USP54: variants seen among roughly 807,000 people sequenced by gnomAD.
USP54 encodes the protein ubiquitin carboxyl-terminal hydrolase 54.
Under a neutral mutation model 170.5 loss-of-function variants are expected in USP54, and 87 were observed. The ratio of observed to expected loss-of-function variants is 0.51; its 90% CI spans 0.43 to 0.61. USP54 has a LOEUF of 0.61. Among genes scored for constraint, USP54 ranks in the 20% least tolerant of loss-of-function variants. The pLI is 0.00. For synonymous variants in USP54, 655 were observed against 742.8 expected (o/e 0.88, Z 1.92); for missense variants, 1,786 against 2,047.8 (o/e 0.87, Z 2.47).
chr10:73,565,464 C>T (rs2133747571), intron 4 of USP54, among the ~76,000 whole-genome samples: 1 of 152,064 alleles, frequency 6.6e-6, no homozygotes, highest in Non-Finnish European at 1.5e-5. Context: ...TGCAGTGAAC[C>T]ATAATAGCCC....
chr10:73,541,389 G>A lies in USP54; in HGVS notation c.811C>T (p.Leu271Phe). ...CTAACACGCACATCACCCAGCTTAAGGCAGGTTCCCAGGCTGTGGATAACA... is the reference window on the plus strand; with the variant it reads ...CTAACACGCACATCACCCAGCTTAAAGCAGGTTCCCAGGCTGTGGATAACA... ...EDVIHSLGTCLKLGDLFFRVT... is the reference protein window; with the variant it reads ...EDVIHSLGTCFKLGDLFFRVT... The change falls in exon 9 of 24, where the codon CTT becomes TTT. Residue 271 changes from leucine (L) to phenylalanine (F), a missense_variant. Physicochemically the swap from Leu to Phe is conservative, Grantham distance 22 (BLOSUM62 0). This residue lies in a region of USP54 where 361 missense variants were observed against 455.0 expected (regional missense o/e 0.79). Coordinates refer to ENST00000687698, the MANE Select transcript of USP54 (RefSeq NM_001391956.1). 2 of 1,614,078 alleles carry A rather than the reference G, an allele frequency of 1.2e-6. No homozygotes were observed. The highest frequency in any genetic ancestry group is 1.7e-6 in the Non-Finnish European group (2 of 1,180,002).
intron 4 of USP54, among the ~76,000 whole-genome samples, chr10:73,548,478 AC>A (rs1490832091): frequency 2.0e-5 from 3 of 152,166 alleles, no homozygotes; most frequent in African/African-American, 7.2e-5. Flanking sequence ...TTGGAACCAA[AC>A]CAAATGTCCA....
upstream of USP54, among the ~76,000 whole-genome samples, chr10:73,595,700 G>A (rs2078668513): frequency 6.6e-6 from 1 of 152,138 alleles, no homozygotes; most frequent in South Asian, 2.1e-4. Context: ...TAACCACCCT[G>A]TCTATAGAAC....
At chr10:73,585,153 C>T (rs1467934302) in intron 1 of USP54, among the ~76,000 whole-genome samples, 3 of 152,146 alleles carry the variant, frequency 2.0e-5, no homozygotes, top group African/African-American at 7.2e-5. Context: ...ATAATTTTTT[C>T]TTACCTACTT....
rs1366479988 is a variant in USP54, at chr10:73,516,876, C to T, written c.3550G>A (p.Ala1184Thr). Reference sequence around the variant, plus strand: ...CCCTCCAGAGAGGATTGTTGCTTTGCCCATGGCCAGTGGCCTTTCTCTTGA... The same window carrying T: ...CCCTCCAGAGAGGATTGTTGCTTTGTCCATGGCCAGTGGCCTTTCTCTTGA... ...QGQEKGHWPW[A>T]KQQSSLEGGD... Residue 1184 changes from alanine to threonine, a missense_variant, in exon 20 of 24, where the codon GCA (alanine) becomes ACA (threonine). Physicochemically the swap from Ala to Thr is moderately conservative, Grantham distance 58 (BLOSUM62 0). This residue lies in a region of USP54 where 1,418 missense variants were observed against 1,569.0 expected (regional missense o/e 0.90). Coordinates refer to ENST00000687698, the MANE Select transcript of USP54 (RefSeq NM_001391956.1). The T allele has an allele frequency of 3.7e-6, 6 of 1,614,136 alleles. No homozygotes were observed. Among genetic ancestry groups the T allele is most frequent in the Non-Finnish European group, 4.2e-6 (5 of 1,180,056 alleles).
chr10:73,587,748 G>T, intron 1 of USP54, among the ~76,000 whole-genome samples: 1 of 152,218 alleles, frequency 6.6e-6, no homozygotes, highest in East Asian at 1.9e-4. Flanking sequence ...ATTGTTATAA[G>T]AATTAAATAA....
intron 22 of USP54, among the ~76,000 whole-genome samples, chr10:73,502,422 C>T (rs1373538025): frequency 6.6e-6 from 1 of 152,206 alleles, no homozygotes; most frequent in Non-Finnish European, 1.5e-5. Flanking sequence ...ACACCATTCT[C>T]CTGCCTCAGC....
rs369153358 is a variant in USP54, at chr10:73,530,737, C to T, written c.1414G>A (p.Asp472Asn). The change falls in exon 13 of 24, where the codon GAT becomes AAT. Residue 472 changes from aspartate to asparagine, a missense_variant. Asp to Asn is a conservative substitution (Grantham distance 23, BLOSUM62 1). Coordinates refer to ENST00000687698, the MANE Select transcript of USP54 (RefSeq NM_001391956.1). ...TGGTATCCCGAGGCCTGGGGCTCAT[C>T]GCCTTTCCTCCTAACCCGACCAGAG... ...RSSGRVRRKG[D>N]EPQASGYHSE... 8.2e-5 allele frequency: 133 copies of T among 1,614,064 alleles called. No individual in the cohort carries two copies. The highest frequency in any genetic ancestry group is 1.1e-4 in the Non-Finnish European group (127 of 1,180,038).
intron 20 of USP54, among the ~76,000 whole-genome samples, chr10:73,510,362 AC>A (rs1382965320): frequency 3.9e-5 from 6 of 152,038 alleles, no homozygotes; most frequent in African/African-American, 1.4e-4. Context: ...ATAAAATAAA[AC>A]AAAAACTGGC....
At chr10:73,521,364 A>G (rs1489173509) in intron 17 of USP54, among the ~76,000 whole-genome samples, 1 of 152,216 alleles carries the variant, frequency 6.6e-6, no homozygotes, top group African/African-American at 2.4e-5. Context: ...AAGTCCCTCA[A>G]GGAAAGAACA....
chr10:73,566,587 C>T (rs558003201), intron 4 of USP54, among the ~76,000 whole-genome samples: 39 of 151,634 alleles, frequency 2.6e-4, no homozygotes, highest in Non-Finnish European at 5.0e-4. Context: ...AAAAATTAGC[C>T]GGGCATGGTG....
chr10:73,557,688 G>A (rs1382695680), intron 4 of USP54, among the ~76,000 whole-genome samples: 1 of 151,812 alleles, frequency 6.6e-6, no homozygotes, highest in African/African-American at 2.4e-5. Flanking sequence ...GTTTCACCAT[G>A]TTGGCCAGGC....
At chr10:73,534,870 A>C (rs1300783938) in intron 11 of USP54, 100 bp from the exon 12 acceptor site, 1 of 1,111,136 alleles carries the variant, frequency 9.0e-7, no homozygotes, top group Non-Finnish European at 1.3e-6. Context: ...TAAGGCAAGA[A>C]CTTCCTAGAC....
chr10:73,544,801 C>T (rs929390459), intron 5 of USP54, among the ~76,000 whole-genome samples: 1 of 152,072 alleles, frequency 6.6e-6, no homozygotes, highest in Non-Finnish European at 1.5e-5. Flanking sequence ...ACAACCTCCT[C>T]CTCCCAAGTT....
chr10:73,597,190 T>C (rs565937362), intron 1 of USP54, among the ~76,000 whole-genome samples: 48 of 152,332 alleles, frequency 3.2e-4, no homozygotes, highest in African/African-American at 1.1e-3. Flanking sequence ...GGGAGGAACT[T>C]ATAGTTTAAC....
intron 1 of USP54, among the ~76,000 whole-genome samples, chr10:73,616,063 A>C (rs112414638): frequency 0.036 from 5,401 of 150,268 alleles, 201 homozygotes; most frequent in South Asian, 0.12. Flanking sequence ...GAAATTACTT[A>C]AGCCAGGCAA....
At chr10:73,539,642 C>CTTTTTT (rs747290004) in intron 9 of USP54, 49 bp from the exon 10 acceptor site, 1 of 1,539,942 alleles carries the variant, frequency 6.5e-7, no homozygotes, top group Non-Finnish European at 8.8e-7. Flanking sequence ...TTCAACCATT[C>CTTTTTT]CACATCATCT....
At chr10:73,570,667 C>T (rs1011205164) in intron 4 of USP54, among the ~76,000 whole-genome samples, 1 of 151,690 alleles carries the variant, frequency 6.6e-6, no homozygotes, top group Non-Finnish European at 1.5e-5. Context: ...CCACCTTGAC[C>T]TCCCAAAGGC....
At chr10:73,596,432 G>T (rs1428849983) in intron 1 of USP54, among the ~76,000 whole-genome samples, 1 of 151,824 alleles carries the variant, frequency 6.6e-6, no homozygotes, top group African/African-American at 2.4e-5. Context: ...AGTGGCGGGC[G>T]CCTGTAGTCC....
Sources: gnomAD v4.1 joint callset for allele counts (sites outside exome capture counted in the v4.1 genomes callset) on GRCh38, gnomAD v4.1.1 for gene constraint, gnomAD v4.1.1 regional missense constraint, MANE v1.5 for transcripts, NCBI Gene and HGNC (gene_info 2026-07-23, HGNC 2026-07-21) for gene names.